TTC39B: variants seen among roughly 807,000 people sequenced by gnomAD.
The protein encoded by TTC39B is tetratricopeptide repeat domain 39B.
A neutral mutation model predicts 96.6 loss-of-function variants in TTC39B; 92 were observed. The ratio of observed to expected loss-of-function variants is 0.95; its 90% CI spans 0.80 to 1.13. The LOEUF (loss-of-function observed/expected upper bound fraction) is 1.13. Among genes scored for constraint, TTC39B ranks in the 50% most tolerant of loss-of-function variants. The pLI, the probability that TTC39B is intolerant of heterozygous loss-of-function variation, is 0.00. For synonymous variants in TTC39B, 367 were observed against 299.4 expected (o/e 1.23, Z -2.33); for missense variants, 955 against 809.3 (o/e 1.18, Z -2.18).
chr9:15,171,681 A>C (rs1306490214), exon 20 of TTC39B: 2 of 156,462 alleles, frequency 1.3e-5, no homozygotes, highest in African/African-American at 4.8e-5. Flanking sequence ...CTATTTGCTA[A>C]ACAATATTAA....
intron 1 of TTC39B, among the ~76,000 whole-genome samples, chr9:15,302,929 G>A (rs1271130345): frequency 6.6e-6 from 1 of 152,054 alleles, no homozygotes; most frequent in East Asian, 1.9e-4. Flanking sequence ...CAGCACTTTG[G>A]GAGGCTGAGG....
intron 3 of TTC39B, among the ~76,000 whole-genome samples, chr9:15,218,632 T>TAAAAAAAAAAAAAAAAAATATATA (rs545882970): frequency 9.5e-5 from 10 of 105,152 alleles, no homozygotes; most frequent in African/African-American, 3.6e-4. Context: ...TTAGTCTATT[T>TAAAAAAAAAAAAAAAAAATATATA]TAAATATATA....
chr9:15,177,948 C>A (rs970496551), intron 17 of TTC39B, 134 bp from the exon 18 acceptor site: 24 of 486,026 alleles, frequency 4.9e-5, no homozygotes, highest in East Asian at 1.2e-4. Context: ...CGGCTCACTG[C>A]AAGCTCCGTC....
At chr9:15,210,863 T>C (rs1246285595) in intron 5 of TTC39B, among the ~76,000 whole-genome samples, 1 of 152,166 alleles carries the variant, frequency 6.6e-6, no homozygotes, top group Non-Finnish European at 1.5e-5. Flanking sequence ...ATCTATCTCA[T>C]TTTCACCAAA....
At chr9:15,307,128 T>G (rs1268553038) in exon 1 of TTC39B, 2 of 1,609,430 alleles carry the variant, frequency 1.2e-6, no homozygotes, top group African/African-American at 2.7e-5. Context: ...AGCGCCATAT[T>G]CCTCCTCTGG....
intron 1 of TTC39B, among the ~76,000 whole-genome samples, chr9:15,293,483 G>A (rs1487355487): frequency 6.6e-6 from 1 of 152,138 alleles, no homozygotes; most frequent in Non-Finnish European, 1.5e-5. Flanking sequence ...AGGAAATTGG[G>A]CATGAGAAAA....
At chr9:15,193,022 C>A (rs763501665) in intron 8 of TTC39B, among the ~76,000 whole-genome samples, 1 of 152,190 alleles carries the variant, frequency 6.6e-6, no homozygotes, top group Non-Finnish European at 1.5e-5. Flanking sequence ...TCACAGCGGA[C>A]TCCCTGCAAG....
intron 1 of TTC39B, among the ~76,000 whole-genome samples, chr9:15,272,307 C>G (rs1823384946): frequency 6.6e-6 from 1 of 152,138 alleles, no homozygotes; most frequent in Non-Finnish European, 1.5e-5. Flanking sequence ...CCATACTCAC[C>G]ATAAATTTCC....
At chr9:15,205,880 A>C (rs1234795505) in intron 6 of TTC39B, among the ~76,000 whole-genome samples, 1 of 152,144 alleles carries the variant, frequency 6.6e-6, no homozygotes, top group East Asian at 1.9e-4. Context: ...GAAAGCCAAG[A>C]GCACCTTCAG....
In TTC39B at chr9:15,188,010, G is replaced by C. The variant is rs1418318936; in HGVS notation, c.1356C>G (p.Tyr452Ter). 22 of 1,612,346 alleles carry C rather than the reference G, an allele frequency of 1.4e-5. No individual in the cohort carries two copies. The highest frequency in any genetic ancestry group is 1.6e-5 in the Non-Finnish European group (19 of 1,179,276). The change falls in exon 14 of 20, where the codon TAC becomes TAG. Residue 452 changes from tyrosine to a stop codon, truncating the protein, a stop_gained. Coordinates refer to ENST00000512701, the Ensembl canonical transcript of TTC39B. LOFTEE classifies it high-confidence loss of function. ...TCTCTTTGCAAAGCAGATCTGAATA[G>C]TAATATGCCTGCATCCAGTTTTGTT... is the stretch of plus-strand genomic sequence containing the variant.
At chr9:15,218,647 T>A (rs1375843499) in intron 3 of TTC39B, among the ~76,000 whole-genome samples, 2 of 149,726 alleles carry the variant, frequency 1.3e-5, no homozygotes, top group African/African-American at 5.0e-5. Flanking sequence ...TATATATATA[T>A]AATGAACACA....
At chr9:15,186,194 G>T (rs932674260) in intron 15 of TTC39B, among the ~76,000 whole-genome samples, 1 of 152,118 alleles carries the variant, frequency 6.6e-6, no homozygotes, top group Non-Finnish European at 1.5e-5. Context: ...CCTCCAATAT[G>T]AGTCAAGCTT....
At chr9:15,198,057 A>T (rs1819277758) in intron 8 of TTC39B, among the ~76,000 whole-genome samples, 1 of 152,232 alleles carries the variant, frequency 6.6e-6, no homozygotes, top group Non-Finnish European at 1.5e-5. Flanking sequence ...GAAAAATGGT[A>T]AGAATATGGG....
intron 1 of TTC39B, among the ~76,000 whole-genome samples, chr9:15,287,502 C>T (rs1376403122): frequency 6.6e-6 from 1 of 152,186 alleles, no homozygotes; most frequent in Non-Finnish European, 1.5e-5. Flanking sequence ...TCACATGTCC[C>T]TCTGTCTTAA....
At chr9:15,178,547 C>G (rs1397791444) in intron 17 of TTC39B, among the ~76,000 whole-genome samples, 1 of 152,180 alleles carries the variant, frequency 6.6e-6, no homozygotes, top group Admixed American at 6.5e-5. Flanking sequence ...TGCACTGCAG[C>G]CTGGGTGAAA....
chr9:15,213,812 T>C (rs1820344605), intron 4 of TTC39B, among the ~76,000 whole-genome samples: 1 of 152,182 alleles, frequency 6.6e-6, no homozygotes, highest in African/African-American at 2.4e-5. Context: ...AAAGGAAAAT[T>C]TTCTCAATAA....
chr9:15,213,402 C>G lies in TTC39B; in HGVS notation c.482+737G>C, dbSNP rs190825458. 1.3e-4 allele frequency among the ~76,000 whole-genome samples: 20 copies of G among 152,314 alleles called. 1 individual carries two copies. Among genetic ancestry groups the G allele is most frequent in the Admixed American group, 1.2e-3 (19 of 15,296 alleles). On this transcript the variant is annotated intron_variant, in intron 4 of 19. Coordinates refer to ENST00000512701, the Ensembl canonical transcript of TTC39B. ...CTGACCCATCTTGATTACAGCTATT[C>G]TAAATCTTAACACAATTACCATAGC... is the stretch of plus-strand genomic sequence containing the variant.
rs146269815 is a variant in TTC39B, at chr9:15,228,682, C to T, written c.276-2670G>A. Among the ~76,000 whole-genome samples, 449 of 152,250 alleles carry T rather than the reference C, an allele frequency of 2.9e-3. 1 individual carries two copies. Among genetic ancestry groups the T allele is most frequent in the Middle Eastern group, 0.017 (5 of 292 alleles). On this transcript the variant is annotated intron_variant, in intron 2 of 19. Coordinates refer to ENST00000512701, the Ensembl canonical transcript of TTC39B. ...TAAATACTTCATAAGTTTCCCCCTC[C>T]CACTCCTTAAGTAGAACACTGAACT...
At chr9:15,211,439 A>G in intron 4 of TTC39B, 42 bp from the exon 5 acceptor site, 1 of 1,419,706 alleles carries the variant, frequency 7.0e-7, no homozygotes. Flanking sequence ...AATTCAATGG[A>G]AATACTGATC....
Sources: allele counts gnomAD v4.1 joint callset (sites outside exome capture counted in the v4.1 genomes callset), GRCh38; gene constraint gnomAD v4.1.1; transcripts MANE v1.5; gene names NCBI Gene and HGNC (gene_info 2026-07-23, HGNC 2026-07-21).